The following PDIA3 variants were observed in gnomAD, a reference collection of about 807,000 sequenced individuals.
PDIA3 encodes the protein protein disulfide-isomerase A3.
PDIA3 carries 16 observed loss-of-function variants against 56.9 expected under a neutral mutation model. The ratio of observed to expected loss-of-function variants is 0.28; its 90% CI spans 0.19 to 0.43. PDIA3 has a LOEUF of 0.43. Ranked by LOEUF, PDIA3 falls within the 20% of genes least tolerant of loss-of-function variation. The pLI, the probability that PDIA3 is intolerant of heterozygous loss-of-function variation, is 1.00. For missense variants in PDIA3, 485 were observed against 621.3 expected (o/e 0.78, Z 2.33); for synonymous variants, 192 against 216.5 (o/e 0.89, Z 0.99).
intron 1 of PDIA3, among the ~76,000 whole-genome samples, chr15:43,749,864 T>C (rs903911170): frequency 6.6e-6 from 1 of 152,028 alleles, no homozygotes; most frequent in African/African-American, 2.4e-5. Flanking sequence ...AGAAGATCAC[T>C]TGAGCCTGGG....
rs1348194114 is a variant in PDIA3 at position 43,771,573 on chromosome 15, T to C, written c.*355T>C. On this transcript the variant is annotated 3_prime_UTR_variant, in exon 13 of 13. Transcript: ENST00000300289. ...ATTTTCCACCAGATTGAGAACCAGA[T>C]GTTCTCTACACACTATCACTGTTCA... 5 of 455,538 alleles carry C rather than the reference T, an allele frequency of 1.1e-5. No homozygotes were observed. Among genetic ancestry groups the C allele is most frequent in the African/African-American group, 1.0e-4 (5 of 49,806 alleles). The allele number at this position is 455,538 out of a possible 1,614,324, so 28.2% of individuals were successfully genotyped here. A position where few individuals can be genotyped will look rare whatever the true frequency, so the allele number is the denominator to read the frequency against.
At position 43,766,714 on chromosome 15, in the gene PDIA3, C is replaced by G. The variant is rs752970393; in HGVS notation, c.846-14C>G. ...CTGTATAGTCTTGGCACAAATGTCT[C>G]TTGTTTCCCACAGGGTAATGATGGT... is the stretch of plus-strand genomic sequence containing the variant. On this transcript the variant is annotated splice_polypyrimidine_tract_variant and intron_variant, in intron 7 of 12. Transcript: ENST00000300289. 1 of 1,612,856 alleles carries G rather than the reference C, an allele frequency of 6.2e-7. No individual in the cohort carries two copies. The highest frequency in any genetic ancestry group is 1.3e-5 in the African/African-American group (1 of 75,000).
In PDIA3 at chr15:43,765,689, A is replaced by G; in HGVS notation, c.719+123A>G. 3.5e-6 allele frequency: 3 copies of G among 854,686 alleles called. No homozygotes were observed. In the Admixed American group the frequency reaches 6.6e-5, roughly 19 times the overall value. The allele number at this position is 854,686 out of a possible 1,614,324, so 52.9% of individuals were successfully genotyped here. ...TATTTGGGGGGATTGTAATAGTAAT[A>G]GTTTGAGTTTATATTAAAGCAGTAA... On this transcript the variant is annotated intron_variant, in intron 6 of 12. Coordinates refer to ENST00000300289, the MANE Select transcript of PDIA3 (RefSeq NM_005313.5).
rs1399425521 is a variant in PDIA3, at chr15:43,753,830, A to G, written c.174A>G (p.Gly58=). The G allele has an allele frequency of 6.2e-7, 1 of 1,610,968 alleles. No individual in the cohort carries two copies. Among genetic ancestry groups the G allele is most frequent in the Admixed American group, 1.7e-5 (1 of 60,026 alleles). The change falls in exon 2 of 13, where the codon GGA becomes GGG. Residue 58 remains glycine, a synonymous_variant. Transcript: ENST00000300289. ...MLVEFFAPWC[G]HCKRLAPEYE... is the part of the protein sequence containing the mutation. ...TTTTTTAATACGTATATAGGTGTGG[A>G]CACTGCAAGAGACTTGCACCTGAGT... is the stretch of plus-strand genomic sequence containing the variant.
At chr15:43,750,075 C>CT (rs1555455268) in intron 1 of PDIA3, among the ~76,000 whole-genome samples, 11 of 135,446 alleles carry the variant, frequency 8.1e-5, no homozygotes, top group Admixed American at 2.2e-4. Flanking sequence ...GCTTTGCTTG[C>CT]TTTTTTTTTT....
In PDIA3 at chr15:43,771,159, C is replaced by A. The variant is rs542695609; in HGVS notation, c.1459C>A (p.Pro487Thr). 20 of 1,612,716 alleles carry A rather than the reference C, an allele frequency of 1.2e-5. No homozygotes were observed. The South Asian group carries it at 1.4e-4, about 12-fold the overall frequency. Residue 487 changes from proline (P) to threonine (T), a missense_variant, in exon 13 of 13, where the codon CCC becomes ACC. Coordinates refer to ENST00000300289, the MANE Select transcript of PDIA3 (RefSeq NM_005313.5). ...ISYLQREATN[P>T]PVIQEEKPKK... Reference sequence around the variant, plus strand: ...CTATCTACAAAGAGAAGCTACAAACCCCCCTGTAATTCAAGAAGAAAAACC... The same window carrying A: ...CTATCTACAAAGAGAAGCTACAAACACCCCTGTAATTCAAGAAGAAAAACC...
chr15:43,766,793 G>A lies in PDIA3; in HGVS notation c.911G>A (p.Arg304His), dbSNP rs138119635. 14 of 1,613,168 alleles carry A rather than the reference G, an allele frequency of 8.7e-6. No homozygotes were observed. In the African/African-American group the frequency reaches 1.3e-4, roughly 15 times the overall value. The change falls in exon 8 of 13, where the codon CGC becomes CAC. Residue 304 changes from arginine (R) to histidine (H), a missense_variant. Coordinates refer to ENST00000300289, the MANE Select transcript of PDIA3 (RefSeq NM_005313.5). Reference sequence around the variant, plus strand: ...AAACTCAACTTTGCTGTAGCTAGCCGCAAAACCTTTAGCCATGAACTTTCT... The same window carrying A: ...AAACTCAACTTTGCTGTAGCTAGCCACAAAACCTTTAGCCATGAACTTTCT... ...GHKLNFAVAS[R>H]KTFSHELSDF...
chr15:43,771,609 C>T lies in PDIA3; in HGVS notation c.*391C>T. On this transcript the variant is annotated 3_prime_UTR_variant, in exon 13 of 13. Transcript: ENST00000300289. The stretch of plus-strand genomic sequence containing the variant: ...CACTATCACTGTTCAATAGAGCTTT[C>T]TTCAGTGATGGAAATGCTCTGTAAT... 7.4e-6 allele frequency: 3 copies of T among 406,420 alleles called. No individual in the cohort carries two copies. Among genetic ancestry groups the T allele is most frequent in the East Asian group, 3.5e-5 (1 of 28,550 alleles). 25.2% of individuals were successfully genotyped at this position (406,420 alleles called of 1,614,324 possible).
chr15:43,751,678 T>G (rs963703828), intron 1 of PDIA3: 36 of 1,303,930 alleles, frequency 2.8e-5, no homozygotes, highest in Non-Finnish European at 3.5e-5. Flanking sequence ...TGCCAAAGTT[T>G]AAGGCAGTGG....
At chr15:43,747,030 G>A (rs908449290) in intron 1 of PDIA3, 1 of 376,620 alleles carries the variant, frequency 2.7e-6, no homozygotes, top group Non-Finnish European at 4.9e-6. Flanking sequence ...TTCTGCGTGA[G>A]TCAGTATTAA....
In PDIA3 at chr15:43,766,716, T is replaced by G. The variant is rs1157924741; in HGVS notation, c.846-12T>G. ...GTATAGTCTTGGCACAAATGTCTCTTGTTTCCCACAGGGTAATGATGGTGG... is the reference window on the plus strand; with the variant it reads ...GTATAGTCTTGGCACAAATGTCTCTGGTTTCCCACAGGGTAATGATGGTGG... On this transcript the variant is annotated splice_polypyrimidine_tract_variant and intron_variant, in intron 7 of 12. Transcript: ENST00000300289. 1 of 1,613,116 alleles carries G rather than the reference T, an allele frequency of 6.2e-7. No individual in the cohort carries two copies. Among genetic ancestry groups the G allele is most frequent in the South Asian group, 1.1e-5 (1 of 90,984 alleles).
chr15:43,750,402 A>G (rs1328031178), intron 1 of PDIA3, among the ~76,000 whole-genome samples: 1 of 152,002 alleles, frequency 6.6e-6, no homozygotes, highest in East Asian at 1.9e-4. Flanking sequence ...GGATAAGAGT[A>G]TCTGAATTTC....
intron 1 of PDIA3, chr15:43,752,830 C>A (rs2086753480): frequency 1.5e-5 from 7 of 471,014 alleles, no homozygotes; most frequent in South Asian, 7.7e-5. Context: ...TCAACGTGAT[C>A]CCTCTGCAAC....
intron 2 of PDIA3, among the ~76,000 whole-genome samples, chr15:43,755,440 G>T (rs10163054): frequency 0.16 from 24,708 of 152,130 alleles, 2,652 homozygotes; most frequent in African/African-American, 0.29. Context: ...TAACCAAATG[G>T]TCAACTGTAA....
chr15:43,757,349 G>T (rs959224465), intron 3 of PDIA3, among the ~76,000 whole-genome samples: 1 of 152,100 alleles, frequency 6.6e-6, no homozygotes, highest in East Asian at 1.9e-4. Context: ...ACGAGGTCAG[G>T]AGATCGAGAC....
At chr15:43,751,543 G>A in intron 1 of PDIA3, 1 of 1,232,846 alleles carries the variant, frequency 8.1e-7, no homozygotes, top group Non-Finnish European at 1.1e-6. Context: ...CTTGAAGGAT[G>A]TATGTTAACC....
At chr15:43,766,973 G>T in intron 8 of PDIA3, 63 bp downstream of exon 8, 1 of 1,376,116 alleles carries the variant, frequency 7.3e-7, no homozygotes, top group Non-Finnish European at 1.0e-6. Flanking sequence ...TACTACAAAG[G>T]ATTTCTAAAG....
intron 5 of PDIA3, among the ~76,000 whole-genome samples, chr15:43,764,772 A>G (rs1421804824): frequency 6.6e-6 from 1 of 152,030 alleles, no homozygotes; most frequent in Non-Finnish European, 1.5e-5. Flanking sequence ...CCAGCCCGCT[A>G]TTGTTTCTAA....
rs1340065724 is a variant in PDIA3, at chr15:43,757,616, T to G, written c.364+850T>G. 2.7e-5 allele frequency among the ~76,000 whole-genome samples: 4 copies of G among 148,254 alleles called. No individual in the cohort carries two copies. The South Asian group carries it at 8.6e-4, about 32-fold the overall frequency. On this transcript the variant is annotated intron_variant, in intron 3 of 12. Transcript: ENST00000300289. ...TGGCTCACACCTATAATCCCAGCAC[T>G]TTGGGAGGCTGAGGTGGGCAGATCA...
Sources: allele counts gnomAD v4.1 joint callset (sites outside exome capture counted in the v4.1 genomes callset), GRCh38; gene constraint gnomAD v4.1.1; transcripts MANE v1.5; gene names NCBI Gene and HGNC (gene_info 2026-07-23, HGNC 2026-07-21).